The following TSHZ2 variants were observed in gnomAD, a reference collection of about 807,000 sequenced individuals.
The protein encoded by TSHZ2 is teashirt homolog 2.
Under a neutral mutation model 74.4 loss-of-function variants are expected in TSHZ2, and 21 were observed. The ratio of observed to expected loss-of-function variants is 0.28; its 90% CI spans 0.20 to 0.41. The LOEUF is 0.41. Ranked by LOEUF, TSHZ2 falls within the 10% of genes least tolerant of loss-of-function variation. The pLI, the probability that TSHZ2 is intolerant of heterozygous loss-of-function variation, is 1.00. For synonymous variants in TSHZ2, 540 were observed against 515.3 expected (o/e 1.05, Z -0.65); for missense variants, 1,244 against 1,293.5 (o/e 0.96, Z 0.59).
chr20:53,180,778 A>G (rs1253911196), intron 1 of TSHZ2, among the ~76,000 whole-genome samples: 1 of 152,184 alleles, frequency 6.6e-6, no homozygotes, highest in Non-Finnish European at 1.5e-5. Flanking sequence ...AATTAAAAAA[A>G]TTATAAAATA....
intron 2 of TSHZ2, among the ~76,000 whole-genome samples, chr20:53,307,801 A>T (rs1011752095): frequency 6.6e-6 from 1 of 151,906 alleles, no homozygotes; most frequent in Admixed American, 6.5e-5. Flanking sequence ...TTAAACCCCC[A>T]GAGGTGATTC....
intron 1 of TSHZ2, among the ~76,000 whole-genome samples, chr20:53,154,268 A>T (rs1404801417): frequency 6.6e-6 from 1 of 152,138 alleles, no homozygotes; most frequent in Non-Finnish European, 1.5e-5. Context: ...TTTGTTAGGA[A>T]AGGGGAATGA....
chr20:53,450,002 T>G (rs1048789128), intron 2 of TSHZ2, among the ~76,000 whole-genome samples: 14 of 152,238 alleles, frequency 9.2e-5, no homozygotes, highest in Admixed American at 2.0e-4. Context: ...ACCCTCTTAA[T>G]GGGCCTAGGG....
intron 2 of TSHZ2, among the ~76,000 whole-genome samples, chr20:53,440,634 A>C (rs1336375400): frequency 1.3e-5 from 2 of 152,178 alleles, no homozygotes; most frequent in Non-Finnish European, 2.9e-5. Flanking sequence ...GAAACGGACA[A>C]TAGCCAGGGG....
chr20:53,356,684 G>C (rs1317906207), intron 2 of TSHZ2, among the ~76,000 whole-genome samples: 1 of 152,002 alleles, frequency 6.6e-6, no homozygotes, highest in Non-Finnish European at 1.5e-5. Context: ...TGTCCATTTT[G>C]GGACAGAACT....
rs552532088 is a variant in TSHZ2, at chr20:53,312,170, G to C, written c.*8+55599G>C. On this transcript the variant is annotated intron_variant, in intron 2 of 2. Transcript: ENST00000371497. ...AGCCTACAGTAAGGGAAGATGCGGCGGAGTGCAATAAATATGTCTCATAGA... is the reference window on the plus strand; with the variant it reads ...AGCCTACAGTAAGGGAAGATGCGGCCGAGTGCAATAAATATGTCTCATAGA... 4.6e-5 allele frequency among the ~76,000 whole-genome samples: 7 copies of C among 152,248 alleles called. No homozygotes were observed. In the South Asian group the frequency reaches 1.5e-3, roughly 32 times the overall value.
intron 1 of TSHZ2, among the ~76,000 whole-genome samples, chr20:53,001,468 G>A (rs946233192): frequency 6.6e-6 from 1 of 152,034 alleles, no homozygotes; most frequent in African/African-American, 2.4e-5. Context: ...AAACACATTC[G>A]AGAAGAAATA....
At chr20:53,185,628 A>G in intron 1 of TSHZ2, 1 of 1,533,864 alleles carries the variant, frequency 6.5e-7, no homozygotes, top group Non-Finnish European at 8.7e-7. Context: ...TCAAAAAAAG[A>G]AAAAAAAGAA....
At chr20:53,416,057 G>A (rs567605857) in intron 2 of TSHZ2, among the ~76,000 whole-genome samples, 2 of 152,240 alleles carry the variant, frequency 1.3e-5, no homozygotes, top group South Asian at 4.1e-4. Context: ...AGTCAGCTCT[G>A]CAATTTAGGA....
At position 53,255,964 on chromosome 20, in the gene TSHZ2, T is replaced by C. The variant is rs146386088; in HGVS notation, c.2506T>C (p.Ser836Pro). 6.3e-5 allele frequency: 102 copies of C among 1,613,962 alleles called. No homozygotes were observed. Among genetic ancestry groups the C allele is most frequent in the Admixed American group, 2.2e-4 (13 of 59,996 alleles). Reference sequence around the variant, plus strand: ...CTTTGAGGATGTCTCCAGTGAAGTCTCAACTTTGCATAAAAGAAAAGGCCG... The same window carrying C: ...CTTTGAGGATGTCTCCAGTGAAGTCCCAACTTTGCATAAAAGAAAAGGCCG... ...RRFEDVSSEVSTLHKRKGRQS... is the reference protein window; with the variant it reads ...RRFEDVSSEVPTLHKRKGRQS... The change falls in exon 2 of 3, where the codon TCA becomes CCA. Residue 836 changes from serine (S) to proline (P), a missense_variant. Ser to Pro is a moderately conservative substitution (Grantham distance 74). Transcript: ENST00000371497. The surrounding 1 kb of genome is among the most constrained non-coding windows in gnomAD (Gnocchi z 4.1).
At chr20:53,486,663 C>T (rs749927738) in intron 2 of TSHZ2, among the ~76,000 whole-genome samples, 11 of 152,126 alleles carry the variant, frequency 7.2e-5, no homozygotes, top group Non-Finnish European at 1.0e-4. Context: ...AGCGACAAAG[C>T]GAGACTCTGT....
At chr20:53,164,943 A>G (rs1988031755) in intron 1 of TSHZ2, among the ~76,000 whole-genome samples, 1 of 152,210 alleles carries the variant, frequency 6.6e-6, no homozygotes, top group African/African-American at 2.4e-5. Flanking sequence ...TTGAGATGCA[A>G]GGATCCTTGA....
intron 2 of TSHZ2, among the ~76,000 whole-genome samples, chr20:53,339,505 G>T (rs1006583335): frequency 6.6e-6 from 1 of 152,212 alleles, no homozygotes; most frequent in African/African-American, 2.4e-5. Context: ...ACTGGGGCAC[G>T]TGGGAGCTCT....
At chr20:53,156,427 A>T (rs1460156518) in intron 1 of TSHZ2, among the ~76,000 whole-genome samples, 1 of 152,194 alleles carries the variant, frequency 6.6e-6, no homozygotes, top group Non-Finnish European at 1.5e-5. Context: ...TGAGAACCCT[A>T]TCCTTTTACA....
At chr20:53,460,532 C>A (rs1985315065) in intron 2 of TSHZ2, among the ~76,000 whole-genome samples, 1 of 152,206 alleles carries the variant, frequency 6.6e-6, no homozygotes, top group South Asian at 2.1e-4. Context: ...TCGTCTGAAG[C>A]CTTCTTCTCT....
chr20:53,395,458 C>G (rs1205432476), intron 2 of TSHZ2, among the ~76,000 whole-genome samples: 4 of 152,154 alleles, frequency 2.6e-5, no homozygotes, highest in African/African-American at 9.7e-5. Flanking sequence ...TGACACATGT[C>G]CAAATGGAAA....
At chr20:53,076,723 G>A (rs560343592) in intron 1 of TSHZ2, among the ~76,000 whole-genome samples, 1 of 152,336 alleles carries the variant, frequency 6.6e-6, no homozygotes, top group African/African-American at 2.4e-5. Context: ...CTTATTTGCT[G>A]ACAACATGAG....
chr20:53,469,654 A>ACCCAAGAAAGATAGAGAAGAAGGGAGGG (rs1985711124), intron 2 of TSHZ2, among the ~76,000 whole-genome samples: 1 of 70,572 alleles, frequency 1.4e-5, no homozygotes, highest in Non-Finnish European at 2.9e-5. Context: ...GGAAGGAAGG[A>ACCCAAGAAAGATAGAGAAGAAGGGAGGG]AGGAAGGAAG....
At chr20:53,027,933 G>A (rs1343425315) in intron 1 of TSHZ2, among the ~76,000 whole-genome samples, 1 of 152,136 alleles carries the variant, frequency 6.6e-6, no homozygotes, top group African/African-American at 2.4e-5. Flanking sequence ...GTAGAAACTT[G>A]ATTGCAGCGA....
Sources: gnomAD v4.1 joint callset for allele counts (sites outside exome capture counted in the v4.1 genomes callset) on GRCh38, gnomAD v4.1.1 for gene constraint, Gnocchi (gnomAD v3.1) non-coding constraint, MANE v1.5 for transcripts, NCBI Gene and HGNC (gene_info 2026-07-23, HGNC 2026-07-21) for gene names.